The following KATNIP variants were observed in gnomAD, a reference collection of about 807,000 sequenced individuals.
KATNIP encodes the protein katanin interacting protein.
A neutral mutation model predicts 174.0 loss-of-function variants in KATNIP; 126 were observed. The observed-to-expected ratio is 0.72, with a 90% CI of 0.63 to 0.84. KATNIP has a LOEUF of 0.84. KATNIP is among the 40% of genes least tolerant of loss of function. KATNIP has a pLI of 0.00. For missense variants in KATNIP, 1,958 were observed against 2,109.7 expected (o/e 0.93, Z 1.41); for synonymous variants, 810 against 835.7 (o/e 0.97, Z 0.53).
At position 27,557,810 on chromosome 16, in the gene KATNIP, T is replaced by C. The variant is rs2089691807; in HGVS notation, c.7+7633T>C. ...TGTTTATTTGGCTCATAATGTTTTG[T>C]TTTTTAAATTTTTGAATTAGTTGTC... On this transcript the variant is annotated intron_variant, in intron 1 of 27. Coordinates refer to ENST00000261588, the MANE Select transcript of KATNIP (RefSeq NM_015202.5). Among the ~76,000 whole-genome samples, 3 of 152,226 alleles carry C rather than the reference T, an allele frequency of 2.0e-5. No homozygotes were observed. The South Asian group carries it at 6.2e-4, about 32-fold the overall frequency.
intron 6 of KATNIP, among the ~76,000 whole-genome samples, chr16:27,659,495 G>A (rs1245810944): frequency 6.7e-6 from 1 of 149,140 alleles, no homozygotes; most frequent in African/African-American, 2.5e-5. Context: ...GGGGGACAGA[G>A]CAAGACCCTG....
At chr16:27,751,993 C>T (rs1447713957) in intron 17 of KATNIP, 69 bp downstream of exon 17, 2 of 1,276,544 alleles carry the variant, frequency 1.6e-6, no homozygotes, top group African/African-American at 1.5e-5. Flanking sequence ...CAGAGTAGAG[C>T]AGGGAGAATT....
intron 5 of KATNIP, among the ~76,000 whole-genome samples, chr16:27,631,502 A>G (rs1045231687): frequency 6.6e-6 from 1 of 151,248 alleles, no homozygotes; most frequent in African/African-American, 2.4e-5. Flanking sequence ...CTACAGTTGC[A>G]CCACTGCACT....
intron 1 of KATNIP, among the ~76,000 whole-genome samples, chr16:27,564,632 A>T (rs992042562): frequency 1.3e-5 from 2 of 152,090 alleles, no homozygotes; most frequent in Admixed American, 1.3e-4. Flanking sequence ...AGGAAAAGTG[A>T]CAGGGGTATC....
At chr16:27,661,780 C>T (rs2077484346) in intron 6 of KATNIP, among the ~76,000 whole-genome samples, 1 of 148,028 alleles carries the variant, frequency 6.8e-6, no homozygotes, top group Admixed American at 6.8e-5. Flanking sequence ...GGGTATTGCC[C>T]TGTCACCTAG....
Position 27,630,582 on chromosome 16 carries a change from G to C in KATNIP, c.311-483G>C, listed in dbSNP as rs143371074. 2.0e-3 allele frequency among the ~76,000 whole-genome samples: 307 copies of C among 152,342 alleles called. 3 individuals are homozygous for C. Among genetic ancestry groups the C allele is most frequent in the African/African-American group, 6.5e-3 (272 of 41,580 alleles). ...TCACAGTGGAGGCAGACCTGCTGCT[G>C]CTAGTAAGGAGAATTCAGCTTTTCC... is the stretch of plus-strand genomic sequence containing the variant. On this transcript the variant is annotated intron_variant, in intron 4 of 27. Transcript: ENST00000261588.
chr16:27,632,506 A>T (rs2076520301), intron 5 of KATNIP: 1 of 426,328 alleles, frequency 2.3e-6, no homozygotes, highest in Admixed American at 2.4e-5. Flanking sequence ...GCAGGATCTG[A>T]GGGTGGAGGT....
At chr16:27,634,625 C>G (rs1292972539) in intron 5 of KATNIP, among the ~76,000 whole-genome samples, 1 of 152,222 alleles carries the variant, frequency 6.6e-6, no homozygotes, top group Admixed American at 6.5e-5. Context: ...CGCAGCCTGG[C>G]TAGCCAGTCA....
chr16:27,716,577 A>T (rs2079947694), intron 13 of KATNIP, among the ~76,000 whole-genome samples: 1 of 152,136 alleles, frequency 6.6e-6, no homozygotes, highest in African/African-American at 2.4e-5. Context: ...GGACCTTGAC[A>T]TTGGTATAAT....
chr16:27,662,979 G>A (rs2077570383), intron 6 of KATNIP, among the ~76,000 whole-genome samples: 2 of 151,774 alleles, frequency 1.3e-5, no homozygotes, highest in African/African-American at 2.4e-5. Flanking sequence ...TATTTATTTA[G>A]TCATCCATTC....
intron 14 of KATNIP, among the ~76,000 whole-genome samples, chr16:27,728,622 G>A (rs989334146): frequency 6.6e-5 from 10 of 152,136 alleles, no homozygotes; most frequent in Non-Finnish European, 1.2e-4. Context: ...GTAGAGATGG[G>A]TTTTGCCATG....
chr16:27,681,957 C>T (rs1434814709), intron 8 of KATNIP, among the ~76,000 whole-genome samples: 2 of 152,190 alleles, frequency 1.3e-5, no homozygotes, highest in South Asian at 2.1e-4. Context: ...CAAAAATGCT[C>T]CTTCAGAAAC....
chr16:27,662,399 G>T (rs1168545212), intron 6 of KATNIP, among the ~76,000 whole-genome samples: 1 of 151,974 alleles, frequency 6.6e-6, no homozygotes, highest in Admixed American at 6.6e-5. Context: ...GACCTAGCCC[G>T]TCTGTTACCC....
chr16:27,664,232 A>C (rs935459741), intron 6 of KATNIP, among the ~76,000 whole-genome samples: 8 of 152,194 alleles, frequency 5.3e-5, no homozygotes, highest in Non-Finnish European at 1.5e-5. Flanking sequence ...TTATGATTTA[A>C]AATGGCCTAA....
chr16:27,773,274 G>T (rs373711582), intron 23 of KATNIP, 65 bp downstream of exon 23: 3 of 1,125,944 alleles, frequency 2.7e-6, no homozygotes, highest in Non-Finnish European at 3.9e-6. Flanking sequence ...GGTCGGGAAC[G>T]GGGCAGAAGC....
chr16:27,722,173 T>A (rs1201287644), intron 14 of KATNIP: 1 of 155,844 alleles, frequency 6.4e-6, no homozygotes, highest in Non-Finnish European at 1.4e-5. Context: ...ATTCTGTAGG[T>A]CTAGCCAGCT....
rs1281549887 is a variant in KATNIP at position 27,754,248 on chromosome 16, A to T, written c.3628A>T (p.Ile1210Phe). The T allele has an allele frequency of 1.2e-6, 2 of 1,613,374 alleles. No individual in the cohort carries two copies. The highest frequency in any genetic ancestry group is 1.1e-5 in the South Asian group (1 of 91,066). Residue 1210 changes from isoleucine to phenylalanine, a missense_variant, in exon 18 of 28, where the codon ATC (isoleucine) becomes TTC (phenylalanine). This residue lies in a region of KATNIP where 1,557 missense variants were observed against 1,617.8 expected (regional missense o/e 0.96). Transcript: ENST00000261588. ...TTPEPGIYHGICLQLNFTASW... is the reference protein window; with the variant it reads ...TTPEPGIYHGFCLQLNFTASW... Reference sequence around the variant, plus strand: ...GCCAGAGCCAGGCATCTACCACGGAATCTGTGAGTAGCTCTCCTGGAGCAG... The same window carrying T: ...GCCAGAGCCAGGCATCTACCACGGATTCTGTGAGTAGCTCTCCTGGAGCAG...
At chr16:27,726,322 T>C (rs1026140916) in intron 14 of KATNIP, among the ~76,000 whole-genome samples, 12 of 152,182 alleles carry the variant, frequency 7.9e-5, no homozygotes, top group African/African-American at 2.9e-4. Context: ...ACCGCTGGTG[T>C]AGGCCACCGC....
At chr16:27,664,910 A>G (rs2077631759) in intron 6 of KATNIP, among the ~76,000 whole-genome samples, 1 of 152,134 alleles carries the variant, frequency 6.6e-6, no homozygotes, top group African/African-American at 2.4e-5. Context: ...AAGATGTGTG[A>G]CAGGGAGCCC....
Sources: allele counts gnomAD v4.1 joint callset (sites outside exome capture counted in the v4.1 genomes callset), GRCh38; gene constraint gnomAD v4.1.1; regional missense constraint gnomAD v4.1.1; transcripts MANE v1.5; gene names NCBI Gene and HGNC (gene_info 2026-07-23, HGNC 2026-07-21).